Variants in ERG observed in about 807,000 individuals in gnomAD.
ERG encodes the protein transcriptional regulator ERG.
In ERG, 9 loss-of-function variants were observed where a neutral mutation model predicts 55.3. The observed-to-expected ratio is 0.16, with a 90% CI of 0.10 to 0.28. ERG has a LOEUF of 0.28. Among genes scored for constraint, ERG ranks in the 10% least tolerant of loss-of-function variants. The pLI, the probability that ERG is intolerant of heterozygous loss-of-function variation, is 1.00. For synonymous variants in ERG, 223 were observed against 237.3 expected (o/e 0.94, Z 0.55); for missense variants, 434 against 631.6 (o/e 0.69, Z 3.35).
At chr21:38,409,244 G>A (rs1988924368) in intron 3 of ERG, among the ~76,000 whole-genome samples, 1 of 152,034 alleles carries the variant, frequency 6.6e-6, no homozygotes, top group South Asian at 2.1e-4. Context: ...AGCACTTTGG[G>A]AGGCCAAGGC....
chr21:38,525,962 A>T (rs1166876833), intron 2 of ERG, among the ~76,000 whole-genome samples: 1 of 152,228 alleles, frequency 6.6e-6, no homozygotes, highest in Non-Finnish European at 1.5e-5. Flanking sequence ...TTTAAAAAAA[A>T]TAATAATAAT....
intron 1 of ERG, among the ~76,000 whole-genome samples, chr21:38,630,398 T>C (rs1426864169): frequency 6.6e-6 from 1 of 152,158 alleles, no homozygotes; most frequent in African/African-American, 2.4e-5. Context: ...CAGGGCTTCC[T>C]CTTTATGATC....
At chr21:38,522,116 T>C (rs1003051343) in intron 2 of ERG, among the ~76,000 whole-genome samples, 1 of 152,304 alleles carries the variant, frequency 6.6e-6, no homozygotes, top group East Asian at 1.9e-4. Context: ...GTAGCATCAA[T>C]AATTTTTCGT....
intron 2 of ERG, among the ~76,000 whole-genome samples, chr21:38,437,732 C>T (rs1034803539): frequency 3.3e-5 from 5 of 152,164 alleles, no homozygotes; most frequent in African/African-American, 1.2e-4. Context: ...ATATGTCCAA[C>T]CCATCAGCAA....
intron 3 of ERG, among the ~76,000 whole-genome samples, chr21:38,411,225 C>T (rs1008684568): frequency 1.3e-5 from 2 of 152,216 alleles, no homozygotes; most frequent in Non-Finnish European, 2.9e-5. Context: ...AAATTTCTAA[C>T]TTATATGTAG....
intron 1 of ERG, among the ~76,000 whole-genome samples, chr21:38,447,924 T>C (rs1252824447): frequency 6.6e-6 from 1 of 152,090 alleles, no homozygotes; most frequent in East Asian, 1.9e-4. Flanking sequence ...AGGTTATATA[T>C]ATAAGAAACA....
intron 2 of ERG, among the ~76,000 whole-genome samples, chr21:38,573,161 A>G (rs2059969961): frequency 6.6e-6 from 1 of 152,250 alleles, no homozygotes; most frequent in South Asian, 2.1e-4. Flanking sequence ...TCAATAAACC[A>G]GGGGCACAAT....
chr21:38,643,667 G>A (rs1270833385), intron 1 of ERG, among the ~76,000 whole-genome samples: 2 of 152,022 alleles, frequency 1.3e-5, no homozygotes, highest in South Asian at 4.2e-4. Flanking sequence ...AGAGGATTCC[G>A]CCCCACCGGG....
intron 1 of ERG, among the ~76,000 whole-genome samples, chr21:38,621,004 G>A (rs1043392320): frequency 3.3e-5 from 5 of 152,330 alleles, no homozygotes; most frequent in African/African-American, 1.2e-4. Context: ...GAGAGAACTC[G>A]AACTACTGGA....
At chr21:38,573,516 G>A (rs528862137) in intron 2 of ERG, among the ~76,000 whole-genome samples, 40 of 152,296 alleles carry the variant, frequency 2.6e-4, no homozygotes, top group Middle Eastern at 3.4e-3. Context: ...TCTTTACTCC[G>A]CTGAGATGTT....
intron 1 of ERG, among the ~76,000 whole-genome samples, chr21:38,584,251 C>T (rs2060048407): frequency 6.6e-6 from 1 of 152,164 alleles, no homozygotes; most frequent in African/African-American, 2.4e-5. Context: ...CCAGGGGAGC[C>T]CTAGCATTCC....
intron 1 of ERG, among the ~76,000 whole-genome samples, chr21:38,462,389 C>T (rs929373326): frequency 7.9e-5 from 12 of 151,806 alleles, no homozygotes; most frequent in African/African-American, 2.7e-4. Flanking sequence ...TTTAAGAATC[C>T]TCAACCAATC....
intron 5 of ERG, among the ~76,000 whole-genome samples, chr21:38,402,043 C>T (rs1988520670): frequency 6.6e-6 from 1 of 152,160 alleles, no homozygotes; most frequent in African/African-American, 2.4e-5. Flanking sequence ...AAATTCCCTC[C>T]TGCCTTTTGC....
At chr21:38,583,746 G>T (rs2060044626) in intron 1 of ERG, among the ~76,000 whole-genome samples, 1 of 152,158 alleles carries the variant, frequency 6.6e-6, no homozygotes. Flanking sequence ...AAAGGGACAA[G>T]ATTTAAAGAC....
intron 1 of ERG, among the ~76,000 whole-genome samples, chr21:38,597,583 C>A (rs1391104419): frequency 1.3e-5 from 2 of 152,142 alleles, no homozygotes; most frequent in African/African-American, 4.8e-5. Context: ...GGCTGACACT[C>A]CTGCATTGAT....
intron 2 of ERG, among the ~76,000 whole-genome samples, chr21:38,429,393 A>G (rs575418939): frequency 0.026 from 811 of 31,404 alleles, 175 homozygotes; most frequent in African/African-American, 0.047. Context: ...ATATGTACAC[A>G]TATACACATG....
At chr21:38,571,555 A>G (rs1425329555) in intron 2 of ERG, among the ~76,000 whole-genome samples, 1 of 152,032 alleles carries the variant, frequency 6.6e-6, no homozygotes, top group South Asian at 2.1e-4. Flanking sequence ...AATTTTTAAA[A>G]AAGGTACCTG....
At chr21:38,514,933 A>C (rs1359092952) in intron 2 of ERG, among the ~76,000 whole-genome samples, 1 of 152,032 alleles carries the variant, frequency 6.6e-6, no homozygotes, top group Non-Finnish European at 1.5e-5. Flanking sequence ...TTTTAGTTTT[A>C]TATATCAGCA....
Position 38,381,227 on chromosome 21 carries a change from G to A in ERG, c.*2176C>T. The A allele has an allele frequency of 9.4e-7, 1 of 1,065,296 alleles. No individual in the cohort carries two copies. Among genetic ancestry groups the A allele is most frequent in the South Asian group, 4.6e-5 (1 of 21,978 alleles). The allele number at this position is 1,065,296 out of a possible 1,614,324, so 66.0% of individuals were successfully genotyped here. A position where few individuals can be genotyped will look rare whatever the true frequency, so the allele number is the denominator to read the frequency against. On this transcript the variant is annotated 3_prime_UTR_variant, in exon 10 of 10. Transcript: ENST00000288319. ...CTGCAACGTGAAAAAAACAGGCCCT[G>A]AAACAGCTATGAAAAGGGCCAGTTC... is the stretch of plus-strand genomic sequence containing the variant.
Sources: gnomAD v4.1 joint callset for allele counts (sites outside exome capture counted in the v4.1 genomes callset) on GRCh38, gnomAD v4.1.1 for gene constraint, MANE v1.5 for transcripts, NCBI Gene and HGNC (gene_info 2026-07-23, HGNC 2026-07-21) for gene names.